The following SATB2 variants were observed in gnomAD, a reference collection of about 807,000 sequenced individuals.
The protein encoded by SATB2 is DNA-binding protein SATB2.
In SATB2, 1 loss-of-function variant was observed where a neutral mutation model predicts 73.4. That is an observed-to-expected ratio of 0.01 (90% CI 0.00 to 0.06). The LOEUF (loss-of-function observed/expected upper bound fraction) is 0.06, where lower values mean the gene tolerates loss of function less well. SATB2 is among the 10% of genes least tolerant of loss of function. SATB2 has a pLI of 1.00. For missense variants in SATB2, 459 were observed against 945.8 expected (o/e 0.49, Z 6.75); for synonymous variants, 397 against 367.0 (o/e 1.08, Z -0.93).
intron 10 of SATB2, among the ~76,000 whole-genome samples, chr2:199,290,505 A>C (rs1692825425): frequency 1.3e-5 from 2 of 152,248 alleles, no homozygotes. Context: ...TCCTAAGGGG[A>C]AATAAAGTAT....
At chr2:199,329,751 G>T (rs1260148367) in intron 7 of SATB2, among the ~76,000 whole-genome samples, 1 of 152,152 alleles carries the variant, frequency 6.6e-6, no homozygotes, top group Non-Finnish European at 1.5e-5. Flanking sequence ...TGACGACAGA[G>T]AATTCACAAA....
chr2:199,360,684 C>T (rs904328395), intron 6 of SATB2, among the ~76,000 whole-genome samples: 8 of 152,068 alleles, frequency 5.3e-5, no homozygotes, highest in African/African-American at 1.9e-4. Context: ...CTTATCACTC[C>T]TCTTCCTCTT....
intron 10 of SATB2, among the ~76,000 whole-genome samples, chr2:199,300,619 A>G (rs1043192301): frequency 6.6e-6 from 1 of 152,164 alleles, no homozygotes; most frequent in African/African-American, 2.4e-5. Context: ...TATAAATGAC[A>G]CAACTGACTG....
intron 3 of SATB2, among the ~76,000 whole-genome samples, chr2:199,409,557 T>C (rs1038231523): frequency 6.6e-6 from 1 of 152,206 alleles, no homozygotes; most frequent in African/African-American, 2.4e-5. Context: ...GCTTTTTCCA[T>C]GGACAAGATG....
intron 3 of SATB2, among the ~76,000 whole-genome samples, chr2:199,413,202 G>A (rs754336354): frequency 4.6e-5 from 7 of 152,062 alleles, no homozygotes; most frequent in African/African-American, 1.7e-4. Context: ...ATAGTACTCC[G>A]AAGCACATAT....
chr2:199,391,080 C>T (rs1690118038), intron 3 of SATB2, among the ~76,000 whole-genome samples: 1 of 152,162 alleles, frequency 6.6e-6, no homozygotes, highest in Non-Finnish European at 1.5e-5. Context: ...ACAGAAGCAA[C>T]TACGGCTATA....
intron 10 of SATB2, among the ~76,000 whole-genome samples, chr2:199,278,595 A>G (rs774954033): frequency 2.0e-5 from 3 of 152,240 alleles, no homozygotes; most frequent in Non-Finnish European, 2.9e-5. Context: ...ATGAACTTCA[A>G]TCATAAAATC....
At chr2:199,405,034 T>C (rs1690589349) in intron 3 of SATB2, among the ~76,000 whole-genome samples, 2 of 152,214 alleles carry the variant, frequency 1.3e-5, no homozygotes, top group South Asian at 4.1e-4. Flanking sequence ...TATAAATGCA[T>C]GGGCTGAATG....
At chr2:199,284,179 G>A (rs554692109) in intron 10 of SATB2, among the ~76,000 whole-genome samples, 2 of 152,118 alleles carry the variant, frequency 1.3e-5, no homozygotes, top group African/African-American at 4.8e-5. Flanking sequence ...TAACTTTTTT[G>A]ATATCAGTGG....
At chr2:199,323,474 C>CATATAT (rs139535802) in intron 9 of SATB2, among the ~76,000 whole-genome samples, 71 of 138,586 alleles carry the variant, frequency 5.1e-4, no homozygotes, top group East Asian at 1.6e-3. Context: ...AAGTTTTGTT[C>CATATAT]ATACACACAC....
rs907784549 is a variant in SATB2, at chr2:199,281,943, G to A, written c.1741-9271C>T. ...GTCGCCCAGGCTGGAGTGCAGTGGC[G>A]TGATCTCAGCTCACTGCAAGCTCCG... On this transcript the variant is annotated intron_variant, in intron 10 of 10. Coordinates refer to ENST00000417098, the MANE Select transcript of SATB2 (RefSeq NM_001172509.2). Among the ~76,000 whole-genome samples, 16 of 148,916 alleles carry A rather than the reference G, an allele frequency of 1.1e-4. No homozygotes were observed. The East Asian group carries it at 2.2e-3, about 20-fold the overall frequency.
chr2:199,372,259 AT>A lies in SATB2; in HGVS notation c.598-3553del, dbSNP rs903270330. 1.4e-4 allele frequency among the ~76,000 whole-genome samples: 22 copies of A among 152,124 alleles called. 1 individual carries two copies. Among genetic ancestry groups the A allele is most frequent in the Admixed American group, 9.8e-4 (15 of 15,286 alleles). ...ATTTAGTTGGCCATTAATATCTGGA[AT>A]TTTTTTTAAATAAGGTATTTCAGAA... On this transcript the variant is annotated intron_variant, in intron 5 of 10. Coordinates refer to ENST00000417098, the MANE Select transcript of SATB2 (RefSeq NM_001172509.2).
chr2:199,467,144 G>A (rs1559072906), upstream of SATB2, among the ~76,000 whole-genome samples: 1 of 152,256 alleles, frequency 6.6e-6, no homozygotes, highest in Non-Finnish European at 1.5e-5. Context: ...CCTCAAGTCA[G>A]GTCTCCCGGC....
chr2:199,448,844 C>A (rs191925205), intron 2 of SATB2, among the ~76,000 whole-genome samples: 4 of 152,160 alleles, frequency 2.6e-5, no homozygotes, highest in Middle Eastern at 3.4e-3. Flanking sequence ...AACTGTACTA[C>A]GATAGAACTC....
chr2:199,407,562 A>G (rs879303588), intron 3 of SATB2, among the ~76,000 whole-genome samples: 3 of 152,300 alleles, frequency 2.0e-5, no homozygotes, highest in East Asian at 3.9e-4. Context: ...CAGGAACTCA[A>G]TGATGATCTA....
At chr2:199,334,257 A>C (rs1360129473) in intron 7 of SATB2, among the ~76,000 whole-genome samples, 1 of 152,192 alleles carries the variant, frequency 6.6e-6, no homozygotes, top group African/African-American at 2.4e-5. Flanking sequence ...AGAGAAAATA[A>C]GCCCTATCCC....
intron 3 of SATB2, among the ~76,000 whole-genome samples, chr2:199,410,173 G>A (rs1448622052): frequency 6.6e-6 from 1 of 152,152 alleles, no homozygotes; most frequent in Non-Finnish European, 1.5e-5. Flanking sequence ...AGGAATATCG[G>A]GCACAGATTC....
chr2:199,358,622 A>G (rs562850746), intron 6 of SATB2, among the ~76,000 whole-genome samples: 1 of 152,312 alleles, frequency 6.6e-6, no homozygotes, highest in South Asian at 2.1e-4. Context: ...TTAACTCCTA[A>G]TAAAACAGCC....
chr2:199,406,593 T>C (rs1044017156), intron 3 of SATB2, among the ~76,000 whole-genome samples: 1 of 152,144 alleles, frequency 6.6e-6, no homozygotes, highest in Non-Finnish European at 1.5e-5. Flanking sequence ...AGGCATAATA[T>C]AATAAATACA....
Sources: allele counts gnomAD v4.1 joint callset (sites outside exome capture counted in the v4.1 genomes callset), GRCh38; gene constraint gnomAD v4.1.1; transcripts MANE v1.5; gene names NCBI Gene and HGNC (gene_info 2026-07-23, HGNC 2026-07-21).